Variants in MFSD6 observed in about 807,000 individuals in gnomAD.
MFSD6 encodes major facilitator superfamily domain-containing protein 6.
A neutral mutation model predicts 56.3 loss-of-function variants in MFSD6; 26 were observed. That is an observed-to-expected ratio of 0.46 (90% CI 0.34 to 0.64). MFSD6 has a LOEUF of 0.64. Among genes scored for constraint, MFSD6 ranks in the 30% least tolerant of loss-of-function variants. The probability of loss-of-function intolerance (pLI) is 0.01; values close to 1 mark genes in which losing one functional copy is unlikely to be tolerated. For synonymous variants in MFSD6, 331 were observed against 366.9 expected (o/e 0.90, Z 1.12); for missense variants, 750 against 986.2 (o/e 0.76, Z 3.21).
rs1321634761 is a variant in MFSD6, at chr2:190,469,579, A to G, written c.1533-179A>G. 1 of 323,886 alleles carries G rather than the reference A, an allele frequency of 3.1e-6. No individual in the cohort carries two copies. Among genetic ancestry groups the G allele is most frequent in the Admixed American group, 4.7e-5 (1 of 21,226 alleles). 20.1% of individuals were successfully genotyped at this position (323,886 alleles called of 1,614,324 possible). ...TATTCCTAAATTCATGCTTAAATGT[A>G]ATTGTCCTTCAGTTTTCCCACTCCT... On this transcript the variant is annotated intron_variant, in intron 3 of 7. Transcript: ENST00000392328. This position sits in a 1 kb window ranked among gnomAD's most constrained non-coding sequence, Gnocchi z 5.3.
intron 2 of MFSD6, among the ~76,000 whole-genome samples, chr2:190,422,865 C>A (rs1685672251): frequency 6.6e-6 from 1 of 151,976 alleles, no homozygotes; most frequent in South Asian, 2.1e-4. Flanking sequence ...ATATCTGTCT[C>A]ATTTTTTCTC....
intron 1 of MFSD6, chr2:190,411,732 T>TG (rs1470638241): frequency 2.0e-6 from 2 of 985,220 alleles, no homozygotes; most frequent in South Asian, 4.7e-5. Context: ...TACTGAGAAT[T>TG]GGGGGGCAAA....
rs1177419131 is a variant in MFSD6 at position 190,417,996 on chromosome 2, G to GTGTGTGTGTGTGTGTGTA, written c.-54+2588_-54+2589insGTGTGTGTGTGTATGTGT. The stretch of plus-strand genomic sequence containing the variant: ...TGTGTGTGTGTGTGTGTGTGTGTGT[G>GTGTGTGTGTGTGTGTGTA]TGTGTATGTGAGAGAGAGAGAGATG... On this transcript the variant is annotated intron_variant, in intron 2 of 7. Coordinates refer to ENST00000392328, the MANE Select transcript of MFSD6 (RefSeq NM_017694.4). This position sits in a 1 kb window ranked among gnomAD's most constrained non-coding sequence, Gnocchi z 5.7. Among the ~76,000 whole-genome samples, 1 of 150,428 alleles carries GTGTGTGTGTGTGTGTGTA rather than the reference G, an allele frequency of 6.6e-6. No individual in the cohort carries two copies. The highest frequency in any genetic ancestry group is 2.5e-5 in the African/African-American group (1 of 40,646).
chr2:190,490,056 T>A lies in MFSD6; in HGVS notation c.1891+190T>A, dbSNP rs1370925635. Among the ~76,000 whole-genome samples the A allele has an allele frequency of 3.3e-5, 5 of 151,930 alleles. No individual in the cohort carries two copies. The highest frequency in any genetic ancestry group is 1.2e-4 in the African/African-American group (5 of 41,434). ...TCCACCTACTATGCAGAAAAAATAT[T>A]GTTTTAAGTAGCTTGGGGTTTTCTT... is the stretch of plus-strand genomic sequence containing the variant. On this transcript the variant is annotated intron_variant, in intron 6 of 7. Coordinates refer to ENST00000392328, the MANE Select transcript of MFSD6 (RefSeq NM_017694.4). The surrounding 1 kb of genome is among the most constrained non-coding windows in gnomAD (Gnocchi z 4.5).
At chr2:190,482,870 T>TA (rs1559137564) in intron 4 of MFSD6, among the ~76,000 whole-genome samples, 5 of 12,046 alleles carry the variant, frequency 4.2e-4, no homozygotes, top group Non-Finnish European at 6.0e-4. Context: ...ACTATCATCT[T>TA]TTTTTTTTTT....
rs1006289110 is a variant in MFSD6 at position 190,498,589 on chromosome 2, C to T, written c.2172+870C>T. Among the ~76,000 whole-genome samples, 5 of 152,170 alleles carry T rather than the reference C, an allele frequency of 3.3e-5. No homozygotes were observed. Among genetic ancestry groups the T allele is most frequent in the Non-Finnish European group, 7.3e-5 (5 of 68,034 alleles). On this transcript the variant is annotated intron_variant, in intron 7 of 7. Transcript: ENST00000392328. This position sits in a 1 kb window ranked among gnomAD's most constrained non-coding sequence, Gnocchi z 5.9. ...TACTGATAACCATATGCATGCTAGT[C>T]CATGCATGATCCTATTTATTAATTT...
chr2:190,436,914 C>T lies in MFSD6; in HGVS notation c.885C>T (p.Val295=), dbSNP rs113040578. ...EAIFLVILVV[V]IIGEFFSASS... is the part of the protein sequence containing the mutation. ...TATTCTTGGTGATCTTGGTAGTTGT[C>T]ATAATAGGAGAATTTTTCAGTGCCT... The change falls in exon 3 of 8, where the codon GTC becomes GTT. Residue 295 remains valine, a synonymous_variant. Transcript: ENST00000392328. This position sits in a 1 kb window ranked among gnomAD's most constrained non-coding sequence, Gnocchi z 5.3. The T allele has an allele frequency of 0.011, 17,372 of 1,614,172 alleles. 118 individuals are homozygous for T. The highest frequency in any genetic ancestry group is 0.012 in the Non-Finnish European group (14,224 of 1,180,032).
Position 190,490,573 on chromosome 2 carries a change from CAAAA to C in MFSD6, c.1891+710_1891+713del, listed in dbSNP as rs559029213. On this transcript the variant is annotated intron_variant, in intron 6 of 7. Transcript: ENST00000392328. This position sits in a 1 kb window ranked among gnomAD's most constrained non-coding sequence, Gnocchi z 4.5. ...GCAAGACTCCCTCTCAAAAAAAAAACAAAAAACAAAGACAAAAATGTCAAGACCT... is the reference window on the plus strand; with the variant it reads ...GCAAGACTCCCTCTCAAAAAAAAAACAACAAAGACAAAAATGTCAAGACCT... Among the ~76,000 whole-genome samples the C allele has an allele frequency of 7.3e-4, 109 of 149,560 alleles. No homozygotes were observed. The highest frequency in any genetic ancestry group is 2.6e-3 in the African/African-American group (105 of 41,024).
intron 3 of MFSD6, among the ~76,000 whole-genome samples, chr2:190,440,157 G>A (rs1211589012): frequency 1.3e-5 from 2 of 152,184 alleles, no homozygotes; most frequent in Non-Finnish European, 2.9e-5. Flanking sequence ...CCATATATTT[G>A]TGGAGATTCA....
In MFSD6 at chr2:190,433,565, C is replaced by T. The variant is rs1243983358; in HGVS notation, c.-53-2412C>T. On this transcript the variant is annotated intron_variant, in intron 2 of 7. Coordinates refer to ENST00000392328, the MANE Select transcript of MFSD6 (RefSeq NM_017694.4). This position sits in a 1 kb window ranked among gnomAD's most constrained non-coding sequence, Gnocchi z 4.5. ...ATACATTGTGAATATAGTAAATTACCGCTGAATTGTTCACTTTCAAAATGG... is the reference window on the plus strand; with the variant it reads ...ATACATTGTGAATATAGTAAATTACTGCTGAATTGTTCACTTTCAAAATGG... Among the ~76,000 whole-genome samples, 5 of 152,186 alleles carry T rather than the reference C, an allele frequency of 3.3e-5. No individual in the cohort carries two copies. The highest frequency in any genetic ancestry group is 2.1e-4 in the South Asian group (1 of 4,826).
intron 4 of MFSD6, among the ~76,000 whole-genome samples, chr2:190,483,602 C>T (rs1016157747): frequency 6.6e-6 from 1 of 151,930 alleles, no homozygotes; most frequent in Non-Finnish European, 1.5e-5. Context: ...TTTGAGAGGC[C>T]GAGGCAGGCA....
At chr2:190,477,106 A>C (rs1366720108) in intron 4 of MFSD6, 1 of 202,870 alleles carries the variant, frequency 4.9e-6, no homozygotes, top group African/African-American at 2.4e-5. Flanking sequence ...CTAATGTTAA[A>C]TGACGAGTTA....
chr2:190,469,886 C>T lies in MFSD6; in HGVS notation c.1630+31C>T. 6.7e-7 allele frequency: 1 copy of T among 1,493,372 alleles called. No individual in the cohort carries two copies. The highest frequency in any genetic ancestry group is 9.3e-7 in the Non-Finnish European group (1 of 1,075,548). The allele number at this position is 1,493,372 out of a possible 1,614,324, so 92.5% of individuals were successfully genotyped here. A position where few individuals can be genotyped will look rare whatever the true frequency, so the allele number is the denominator to read the frequency against. On this transcript the variant is annotated intron_variant, in intron 4 of 7. Coordinates refer to ENST00000392328, the MANE Select transcript of MFSD6 (RefSeq NM_017694.4). The surrounding 1 kb of genome is among the most constrained non-coding windows in gnomAD (Gnocchi z 5.3). ...TTAACAGCTGGGATTGAAATTATTTCTCTGCCTTCCCTGAGCTGTGGCTAA... is the reference window on the plus strand; with the variant it reads ...TTAACAGCTGGGATTGAAATTATTTTTCTGCCTTCCCTGAGCTGTGGCTAA...
chr2:190,476,948 G>T (rs1039360914), intron 4 of MFSD6, among the ~76,000 whole-genome samples: 21 of 150,448 alleles, frequency 1.4e-4, no homozygotes, highest in African/African-American at 4.6e-4. Flanking sequence ...GCAAACTATT[G>T]TAAGGACAAA....
At chr2:190,444,933 T>C in intron 3 of MFSD6, 1 of 756,938 alleles carries the variant, frequency 1.3e-6, no homozygotes, top group Non-Finnish European at 1.6e-6. Context: ...TGTATCTTGG[T>C]AAATTAACTG....
rs190592736 is a variant in MFSD6 at position 190,456,103 on chromosome 2, G to C, written c.1533-13655G>C. On this transcript the variant is annotated intron_variant, in intron 3 of 7. Transcript: ENST00000392328. The surrounding 1 kb of genome is among the most constrained non-coding windows in gnomAD (Gnocchi z 5.4). ...TTACAGGCATGCATCACCATGCCCA[G>C]CTAATTTTTATATTTTTAGTAGAGA... is the stretch of plus-strand genomic sequence containing the variant. 6.6e-6 allele frequency among the ~76,000 whole-genome samples: 1 copy of C among 151,736 alleles called. No individual in the cohort carries two copies. The highest frequency in any genetic ancestry group is 6.6e-5 in the Admixed American group (1 of 15,238).
Position 190,412,301 on chromosome 2 carries a change from G to T in MFSD6, c.-175-2991G>T, listed in dbSNP as rs1281140140. Reference sequence around the variant, plus strand: ...GTAGTAGGTAATCTTGAGAAAGAGGGAATTGTAAAAGTATTTTACAGAAGA... The same window carrying T: ...GTAGTAGGTAATCTTGAGAAAGAGGTAATTGTAAAAGTATTTTACAGAAGA... On this transcript the variant is annotated intron_variant, in intron 1 of 7. Transcript: ENST00000392328. This position sits in a 1 kb window ranked among gnomAD's most constrained non-coding sequence, Gnocchi z 4.1. 3 of 983,146 alleles carry T rather than the reference G, an allele frequency of 3.1e-6. No individual in the cohort carries two copies. The African/African-American group carries it at 5.3e-5, about 17-fold the overall frequency. The allele number at this position is 983,146 out of a possible 1,614,324, so 60.9% of individuals were successfully genotyped here. A position where few individuals can be genotyped will look rare whatever the true frequency, so the allele number is the denominator to read the frequency against.
chr2:190,489,716 C>A lies in MFSD6; in HGVS notation c.1793-52C>A. 1 of 1,506,946 alleles carries A rather than the reference C, an allele frequency of 6.6e-7. No individual in the cohort carries two copies. Among genetic ancestry groups the A allele is most frequent in the Non-Finnish European group, 9.1e-7 (1 of 1,093,096 alleles). The allele number at this position is 1,506,946 out of a possible 1,614,324, so 93.3% of individuals were successfully genotyped here. A position where few individuals can be genotyped will look rare whatever the true frequency, so the allele number is the denominator to read the frequency against. On this transcript the variant is annotated intron_variant, in intron 5 of 7. Transcript: ENST00000392328. The surrounding 1 kb of genome is among the most constrained non-coding windows in gnomAD (Gnocchi z 6.6). ...TAGAAAACTGATGGTTTTAGATGAG[C>A]GCTATCTGCATTTCTTGGAATTACT...
At chr2:190,481,139 A>G (rs1324264400) in intron 4 of MFSD6, among the ~76,000 whole-genome samples, 1 of 152,218 alleles carries the variant, frequency 6.6e-6, no homozygotes, top group African/African-American at 2.4e-5. Context: ...CGTGTAGTAT[A>G]ATGTTGCCAA....
Sources: gnomAD v4.1 joint callset for allele counts (sites outside exome capture counted in the v4.1 genomes callset) on GRCh38, gnomAD v4.1.1 for gene constraint, Gnocchi (gnomAD v3.1) non-coding constraint, MANE v1.5 for transcripts, NCBI Gene and HGNC (gene_info 2026-07-23, HGNC 2026-07-21) for gene names.